SCUBE1: variants seen among roughly 807,000 people sequenced by gnomAD.
SCUBE1 encodes signal peptide, CUB and EGF-like domain-containing protein 1.
SCUBE1 carries 59 observed loss-of-function variants against 124.4 expected under a neutral mutation model. The observed-to-expected ratio is 0.47, with a 90% CI of 0.38 to 0.59. SCUBE1 has a LOEUF of 0.59. Among genes scored for constraint, SCUBE1 ranks in the 20% least tolerant of loss-of-function variants. SCUBE1 has a pLI of 0.00. For synonymous variants in SCUBE1, 545 were observed against 550.9 expected (o/e 0.99, Z 0.15); for missense variants, 1,150 against 1,371.2 (o/e 0.84, Z 2.55).
At chr22:43,244,712 T>G (rs1274249892) in intron 6 of SCUBE1, among the ~76,000 whole-genome samples, 1 of 152,210 alleles carries the variant, frequency 6.6e-6, no homozygotes, top group Non-Finnish European at 1.5e-5. Context: ...CCCTAGGCCC[T>G]GGGTTTCCCA....
rs962007199 is a variant in SCUBE1, at chr22:43,259,937, G to A, written c.611-1602C>T. ...GGTGGAGCCGGCACCCTGGATGAGA[G>A]CTCAGCTTTCATCTCTCAACAGCTC... On this transcript the variant is annotated intron_variant, in intron 5 of 21. Transcript: ENST00000360835. 7.9e-5 allele frequency among the ~76,000 whole-genome samples: 12 copies of A among 152,326 alleles called. No individual in the cohort carries two copies. In the East Asian group the frequency reaches 2.3e-3, roughly 29 times the overall value.
At chr22:43,330,129 C>G (rs1051415268) in intron 2 of SCUBE1, among the ~76,000 whole-genome samples, 4 of 152,096 alleles carry the variant, frequency 2.6e-5, no homozygotes, top group Non-Finnish European at 4.4e-5. Context: ...CAGCGAGGCC[C>G]CTTCCCTCCT....
At chr22:43,294,004 G>T (rs1267553403) in intron 3 of SCUBE1, among the ~76,000 whole-genome samples, 5 of 152,188 alleles carry the variant, frequency 3.3e-5, no homozygotes, top group African/African-American at 1.2e-4. Context: ...AGGGCGGCTG[G>T]GCCTTGGGAC....
chr22:43,293,385 T>C (rs1925442325), intron 3 of SCUBE1, among the ~76,000 whole-genome samples: 1 of 152,042 alleles, frequency 6.6e-6, no homozygotes, highest in Non-Finnish European at 1.5e-5. Context: ...CACACCAGAG[T>C]GAAGGCGGGA....
chr22:43,275,723 G>A (rs951043666), intron 4 of SCUBE1, among the ~76,000 whole-genome samples: 4 of 152,362 alleles, frequency 2.6e-5, no homozygotes, highest in African/African-American at 9.6e-5. Context: ...GGCAGAGGAT[G>A]ACACATACCG....
At chr22:43,291,211 G>A (rs1162527235) in intron 3 of SCUBE1, 31 bp from the exon 4 acceptor site, 1 of 1,594,652 alleles carries the variant, frequency 6.3e-7, no homozygotes, top group Non-Finnish European at 8.6e-7. Context: ...GGGGACCAGA[G>A]ATCACACCTA....
intron 6 of SCUBE1, among the ~76,000 whole-genome samples, chr22:43,254,162 C>A (rs570243462): frequency 3.3e-5 from 5 of 152,372 alleles, no homozygotes; most frequent in South Asian, 2.1e-4. Context: ...TAGCTTCCAG[C>A]CTGAGCTTGC....
intron 3 of SCUBE1, among the ~76,000 whole-genome samples, chr22:43,309,261 A>G (rs1926089293): frequency 6.6e-6 from 1 of 152,236 alleles, no homozygotes; most frequent in African/African-American, 2.4e-5. Flanking sequence ...TGTGTTTTAC[A>G]AAGCTCATCT....
At chr22:43,219,044 C>A (rs1921964671) in intron 14 of SCUBE1, among the ~76,000 whole-genome samples, 1 of 152,202 alleles carries the variant, frequency 6.6e-6, no homozygotes, top group African/African-American at 2.4e-5. Context: ...TCTAAGCTCT[C>A]ATTCAAATGG....
At chr22:43,317,761 A>T (rs1023524017) in intron 3 of SCUBE1, among the ~76,000 whole-genome samples, 1 of 152,234 alleles carries the variant, frequency 6.6e-6, no homozygotes, top group African/African-American at 2.4e-5. Context: ...TCCCTTCAAA[A>T]GATGTTGGAT....
chr22:43,222,030 C>T (rs1922111458), intron 12 of SCUBE1, among the ~76,000 whole-genome samples: 1 of 152,186 alleles, frequency 6.6e-6, no homozygotes, highest in South Asian at 2.1e-4. Context: ...CGCCACTGCA[C>T]TCCAGCCTGG....
rs886561990 is a variant in SCUBE1 at position 43,330,072 on chromosome 22, A to T, written c.220+9032T>A. On this transcript the variant is annotated intron_variant, in intron 2 of 21. Transcript: ENST00000360835. Reference sequence around the variant, plus strand: ...AAATGGGGAATTAGAGAAAAAAAAAAAACCAACATGCAGATACTGGTGCAG... The same window carrying T: ...AAATGGGGAATTAGAGAAAAAAAAATAACCAACATGCAGATACTGGTGCAG... Among the ~76,000 whole-genome samples the T allele has an allele frequency of 7.2e-5, 11 of 152,080 alleles. 1 individual carries two copies. The highest frequency in any genetic ancestry group is 2.7e-4 in the African/African-American group (11 of 41,490).
intron 16 of SCUBE1, chr22:43,212,829 C>T: frequency 1.8e-6 from 1 of 554,674 alleles, no homozygotes; most frequent in Non-Finnish European, 3.2e-6. Context: ...GGCTCTCCTT[C>T]TCCCACCAGC....
intron 2 of SCUBE1, among the ~76,000 whole-genome samples, chr22:43,337,097 A>G (rs1927107648): frequency 6.6e-6 from 1 of 152,168 alleles, no homozygotes; most frequent in Admixed American, 6.5e-5. Flanking sequence ...AAGCACATTC[A>G]CAAGCCTCCT....
At position 43,287,308 on chromosome 22, in the gene SCUBE1, T is replaced by C. The variant is rs544469712; in HGVS notation, c.484+3738A>G. ...AGAAGCTGCCTGCATCAGTCGCTAC[T>C]CCTAGGACAGGTGCTGCCCTTGATT... On this transcript the variant is annotated intron_variant, in intron 4 of 21. Coordinates refer to ENST00000360835, the MANE Select transcript of SCUBE1 (RefSeq NM_173050.5). Among the ~76,000 whole-genome samples, 3 of 152,328 alleles carry C rather than the reference T, an allele frequency of 2.0e-5. No individual in the cohort carries two copies. The East Asian group carries it at 5.8e-4, about 29-fold the overall frequency.
chr22:43,251,275 C>T (rs1923436508), intron 6 of SCUBE1, among the ~76,000 whole-genome samples: 1 of 152,206 alleles, frequency 6.6e-6, no homozygotes, highest in Non-Finnish European at 1.5e-5. Flanking sequence ...TCAGAGGAGG[C>T]TCATGGTCCT....
chr22:43,244,489 G>C (rs886336862), intron 6 of SCUBE1, among the ~76,000 whole-genome samples: 8 of 152,270 alleles, frequency 5.3e-5, no homozygotes, highest in Non-Finnish European at 7.3e-5. Context: ...TCTGGGAACT[G>C]GGACCCTACC....
In SCUBE1 at chr22:43,227,422, C is replaced by T. The variant is rs747700672; in HGVS notation, c.1159G>A (p.Val387Ile). 44 of 1,612,868 alleles carry T rather than the reference C, an allele frequency of 2.7e-5. No homozygotes were observed. Among genetic ancestry groups the T allele is most frequent in the Admixed American group, 2.0e-4 (12 of 59,962 alleles). ...TGGAGCCGCCTCCCCGGGGGACAGACGCACTCGTAGCTGCCCTTGGTGTTG... is the reference window on the plus strand; with the variant it reads ...TGGAGCCGCCTCCCCGGGGGACAGATGCACTCGTAGCTGCCCTTGGTGTTG... ...CVNTKGSYEC[V>I]CPPGRRLHWN... The change falls in exon 10 of 22, where the codon GTC (valine) becomes ATC (isoleucine). Residue 387 changes from valine (V) to isoleucine (I), a missense_variant. This residue lies in a region of SCUBE1 where 757 missense variants were observed against 840.9 expected (regional missense o/e 0.90). Coordinates refer to ENST00000360835, the MANE Select transcript of SCUBE1 (RefSeq NM_173050.5).
Position 43,227,365 on chromosome 22 carries a change from G to T in SCUBE1, c.1207+9C>A. 1.2e-6 allele frequency: 2 copies of T among 1,606,356 alleles called. No homozygotes were observed. The highest frequency in any genetic ancestry group is 1.7e-6 in the Non-Finnish European group (2 of 1,178,608). ...GGGGAGGGGCCAGCAGCACAGGGCG[G>T]CCACCTACCCACGCAATCCTTCCCG... is the stretch of plus-strand genomic sequence containing the variant. On this transcript the variant is annotated intron_variant, in intron 10 of 21. Coordinates refer to ENST00000360835, the MANE Select transcript of SCUBE1 (RefSeq NM_173050.5).
Sources: allele counts gnomAD v4.1 joint callset (sites outside exome capture counted in the v4.1 genomes callset), GRCh38; gene constraint gnomAD v4.1.1; regional missense constraint gnomAD v4.1.1; transcripts MANE v1.5; gene names NCBI Gene and HGNC (gene_info 2026-07-23, HGNC 2026-07-21).